Variants in RIMBP2 observed in about 807,000 individuals in gnomAD.
RIMBP2 encodes the protein RIMS binding protein 2, also known as RIMS-binding protein 2.
In RIMBP2, 48 loss-of-function variants were observed where a neutral mutation model predicts 118.6. The observed-to-expected ratio is 0.40, with a 90% CI of 0.32 to 0.51. The LOEUF (loss-of-function observed/expected upper bound fraction) is 0.51, where lower values mean the gene tolerates loss of function less well. Ranked by LOEUF, RIMBP2 falls within the 20% of genes least tolerant of loss-of-function variation. The pLI is 0.41. For synonymous variants in RIMBP2, 762 were observed against 742.9 expected, an observed-to-expected ratio of 1.03 and a Z score of -0.42; for missense variants, 1,551 against 1,768.3, an observed-to-expected ratio of 0.88 and a Z score of 2.20.
intron 3 of RIMBP2, among the ~76,000 whole-genome samples, chr12:130,512,050 G>A (rs974082424): frequency 2.0e-5 from 3 of 152,188 alleles, no homozygotes; most frequent in Non-Finnish European, 4.4e-5. Flanking sequence ...TTCAGCAGCC[G>A]CTGATCCCAC....
chr12:130,486,673 G>T (rs1171791738), intron 4 of RIMBP2, among the ~76,000 whole-genome samples: 23 of 149,918 alleles, frequency 1.5e-4, no homozygotes, highest in South Asian at 8.5e-4. Context: ...TTGACTTCCT[G>T]CCCCCTTTCC....
At chr12:130,468,559 C>T (rs1195774107) in intron 6 of RIMBP2, among the ~76,000 whole-genome samples, 1 of 152,108 alleles carries the variant, frequency 6.6e-6, no homozygotes, top group East Asian at 1.9e-4. Context: ...GGGGGCAACC[C>T]AGCCTCTCCT....
At chr12:130,458,270 T>C (rs1041522453) in intron 6 of RIMBP2, among the ~76,000 whole-genome samples, 4 of 152,160 alleles carry the variant, frequency 2.6e-5, no homozygotes, top group African/African-American at 9.7e-5. Context: ...AGTATTCTTC[T>C]TTAAAAAGCT....
At chr12:130,407,910 C>T in intron 19 of RIMBP2, 81 bp from the exon 20 acceptor site, 1 of 1,273,718 alleles carries the variant, frequency 7.9e-7, no homozygotes, top group East Asian at 2.3e-5. Context: ...CCGGGTCACA[C>T]ATGGCCAATA....
At chr12:130,509,734 G>A (rs575985663) in intron 3 of RIMBP2, among the ~76,000 whole-genome samples, 10 of 137,820 alleles carry the variant, frequency 7.3e-5, no homozygotes, top group Admixed American at 4.8e-4. Flanking sequence ...CTGCCCCCCC[G>A]CCCCGGCAAC....
Position 130,442,572 on chromosome 12 carries a change from C to T in RIMBP2, c.780G>A (p.Leu260=). Residue 260 remains leucine (L), a synonymous_variant, in exon 11 of 23, where the codon CTG becomes CTA. Transcript: ENST00000690449. The surrounding 1 kb of genome is among the most constrained non-coding windows in gnomAD (Gnocchi z 6.9). The part of the protein sequence containing the change: ...QDNESRLAST[L]GNEQDQNFIN... ...TGAAGTTCTGATCCTGCTCGTTCCC[C>T]AGCGTGCTTGCCAACCGCGACTCGT... is the stretch of plus-strand genomic sequence containing the variant. 1 of 1,614,230 alleles carries T rather than the reference C, an allele frequency of 6.2e-7. No homozygotes were observed. Among genetic ancestry groups the T allele is most frequent in the Non-Finnish European group, 8.5e-7 (1 of 1,180,038 alleles).
At chr12:130,516,878 T>TGAC (rs1484729515) in intron 3 of RIMBP2, among the ~76,000 whole-genome samples, 1 of 152,016 alleles carries the variant, frequency 6.6e-6, no homozygotes, top group Non-Finnish European at 1.5e-5. Context: ...GACCACAGGA[T>TGAC]GACAAGGGAG....
intron 2 of RIMBP2, among the ~76,000 whole-genome samples, chr12:130,606,809 A>G (rs962568129): frequency 5.9e-5 from 9 of 152,122 alleles, no homozygotes; most frequent in African/African-American, 2.2e-4. Flanking sequence ...CCAGGCCGCA[A>G]CAGTCCGAGT....
chr12:130,588,375 C>G (rs753294562), intron 2 of RIMBP2, among the ~76,000 whole-genome samples: 28 of 152,214 alleles, frequency 1.8e-4, no homozygotes, highest in Non-Finnish European at 3.5e-4. Flanking sequence ...GGAGACTCAC[C>G]TTCAAGGAGA....
intron 1 of RIMBP2, among the ~76,000 whole-genome samples, chr12:130,633,478 C>A (rs2062130831): frequency 6.6e-6 from 1 of 152,084 alleles, no homozygotes; most frequent in Admixed American, 6.6e-5. Context: ...CATCCTATCC[C>A]GAGTGTCCCG....
Position 130,620,264 on chromosome 12 carries a change from CA to C in RIMBP2, c.-217+8057del, listed in dbSNP as rs1203252149. Among the ~76,000 whole-genome samples the C allele has an allele frequency of 1.3e-5, 2 of 151,776 alleles. No homozygotes were observed. Among genetic ancestry groups the C allele is most frequent in the African/African-American group, 4.8e-5 (2 of 41,322 alleles). ...AATCTTGAGCAGAGGGACCCAAGGA[CA>C]AAAAAAAGAACCAGCAGCCAGAGCA... On this transcript the variant is annotated intron_variant, in intron 2 of 22. Coordinates refer to ENST00000690449, the MANE Select transcript of RIMBP2 (RefSeq NM_001393629.1). The surrounding 1 kb of genome is among the most constrained non-coding windows in gnomAD (Gnocchi z 5.3).
chr12:130,646,996 T>C (rs947834153), intron 1 of RIMBP2, among the ~76,000 whole-genome samples: 2 of 152,184 alleles, frequency 1.3e-5, no homozygotes, highest in East Asian at 1.9e-4. Flanking sequence ...GACAGACATA[T>C]GCATGTGAGG....
intron 5 of RIMBP2, among the ~76,000 whole-genome samples, chr12:130,473,795 C>T (rs760664304): frequency 3.3e-5 from 5 of 152,144 alleles, no homozygotes; most frequent in Non-Finnish European, 7.3e-5. Context: ...TATGACCCAC[C>T]GCAGCCATCC....
At chr12:130,705,069 T>G (rs2066035887) in intron 1 of RIMBP2, among the ~76,000 whole-genome samples, 1 of 152,196 alleles carries the variant, frequency 6.6e-6, no homozygotes, top group Non-Finnish European at 1.5e-5. Flanking sequence ...CAAAGCTGCG[T>G]GAGGATCCCT....
intron 2 of RIMBP2, among the ~76,000 whole-genome samples, chr12:130,610,611 A>G (rs1481924065): frequency 8.8e-6 from 1 of 113,686 alleles, no homozygotes; most frequent in Non-Finnish European, 1.6e-5. Flanking sequence ...CCCAGGCTGG[A>G]GTGCAGTGGC....
At chr12:130,637,754 C>T (rs982908659) in intron 1 of RIMBP2, among the ~76,000 whole-genome samples, 4 of 152,274 alleles carry the variant, frequency 2.6e-5, no homozygotes, top group East Asian at 1.9e-4. Context: ...GTCCTCTTTC[C>T]TATTTGTTGT....
intron 2 of RIMBP2, among the ~76,000 whole-genome samples, chr12:130,582,084 C>T (rs925265432): frequency 1.3e-5 from 2 of 152,080 alleles, no homozygotes; most frequent in Non-Finnish European, 2.9e-5. Context: ...GAGAAGCTTT[C>T]CCTAAACATC....
Position 130,480,762 on chromosome 12 carries a change from G to C in RIMBP2, c.-3-1746C>G, listed in dbSNP as rs185806474. On this transcript the variant is annotated intron_variant, in intron 4 of 22. Transcript: ENST00000690449. Reference sequence around the variant, plus strand: ...ATTACAGGTGCCCACCACCATGCTGGGCTAATTTTTGTATTTTTAGTAGAT... The same window carrying C: ...ATTACAGGTGCCCACCACCATGCTGCGCTAATTTTTGTATTTTTAGTAGAT... Among the ~76,000 whole-genome samples, 277 of 152,126 alleles carry C rather than the reference G, an allele frequency of 1.8e-3. 1 individual carries two copies. Among genetic ancestry groups the C allele is most frequent in the African/African-American group, 6.2e-3 (258 of 41,508 alleles).
chr12:130,496,331 T>C (rs182185577), intron 4 of RIMBP2, among the ~76,000 whole-genome samples: 2 of 152,312 alleles, frequency 1.3e-5, no homozygotes, highest in African/African-American at 2.4e-5. Flanking sequence ...GACTTTCACC[T>C]ACCACCATGA....
Sources: allele counts gnomAD v4.1 joint callset (sites outside exome capture counted in the v4.1 genomes callset), GRCh38; gene constraint gnomAD v4.1.1; non-coding constraint Gnocchi (gnomAD v3.1); transcripts MANE v1.5; gene names NCBI Gene and HGNC (gene_info 2026-07-23, HGNC 2026-07-21).